PRRC1: variants seen among roughly 807,000 people sequenced by gnomAD.
The protein encoded by PRRC1 is proline rich coiled-coil 1.
In PRRC1, 39 loss-of-function variants were observed where a neutral mutation model predicts 40.7. The observed-to-expected ratio is 0.96, with a 90% CI of 0.74 to 1.25. PRRC1 has a LOEUF of 1.25. Among genes scored for constraint, PRRC1 ranks in the 50% most tolerant of loss-of-function variants. The pLI is 0.00. For synonymous variants in PRRC1, 175 were observed against 193.3 expected (o/e 0.91, Z 0.79); for missense variants, 573 against 548.3 (o/e 1.05, Z -0.45).
chr5:127,554,174 A>T lies in PRRC1; in HGVS notation c.*2258A>T, dbSNP rs1388704013. On this transcript the variant is annotated 3_prime_UTR_variant, in exon 9 of 9. Transcript: ENST00000296666. ...TAGTGGTGGTGTTTAGGCATAAGAT[A>T]TGCTGATCATCAGTCTCAGGCCACA... 1.5e-5 allele frequency: 4 copies of T among 262,694 alleles called. No homozygotes were observed. Among genetic ancestry groups the T allele is most frequent in the African/African-American group, 4.5e-5 (2 of 44,380 alleles). The allele number at this position is 262,694 out of a possible 1,614,324, so 16.3% of individuals were successfully genotyped here.
chr5:127,551,534 T>A lies in PRRC1; in HGVS notation c.1129-173T>A, dbSNP rs942075303. On this transcript the variant is annotated intron_variant, in intron 8 of 8. Transcript: ENST00000296666. ...AAAATAGATGTGTGTAATGTTACAT[T>A]GATTGTGTTCTAGCCTTGTAAGTTG... 4.6e-6 allele frequency: 3 copies of A among 648,522 alleles called. No individual in the cohort carries two copies. The African/African-American group carries it at 5.5e-5, about 12-fold the overall frequency. The allele number at this position is 648,522 out of a possible 1,614,324, so 40.2% of individuals were successfully genotyped here. A position where few individuals can be genotyped will look rare whatever the true frequency, so the allele number is the denominator to read the frequency against.
At chr5:127,545,413 T>C (rs1768189263) in intron 7 of PRRC1, among the ~76,000 whole-genome samples, 1 of 151,902 alleles carries the variant, frequency 6.6e-6, no homozygotes, top group Non-Finnish European at 1.5e-5. Context: ...ATAGACTGGA[T>C]TAAGAAAATG....
At chr5:127,538,775 G>A (rs13436184) in intron 6 of PRRC1, among the ~76,000 whole-genome samples, 3,913 of 152,054 alleles carry the variant, frequency 0.026, 166 homozygotes, top group African/African-American at 0.089. Flanking sequence ...ATGAGAAAAT[G>A]TAATATAAAA....
At chr5:127,533,907 T>C in intron 6 of PRRC1, 121 bp downstream of exon 6, 2 of 1,051,798 alleles carry the variant, frequency 1.9e-6, no homozygotes, top group South Asian at 2.7e-5. Context: ...ACAATGAACT[T>C]TGCTTTTAGT....
At chr5:127,526,140 A>G (rs1325636227) in intron 3 of PRRC1, among the ~76,000 whole-genome samples, 1 of 152,182 alleles carries the variant, frequency 6.6e-6, no homozygotes, top group Admixed American at 6.5e-5. Context: ...GCTTTTTATT[A>G]TCTATCTTTC....
intron 5 of PRRC1, among the ~76,000 whole-genome samples, chr5:127,533,203 A>G (rs1163431440): frequency 6.6e-6 from 1 of 152,146 alleles, no homozygotes; most frequent in Non-Finnish European, 1.5e-5. Flanking sequence ...TGATGACCCC[A>G]TATTTAAACT....
At chr5:127,536,973 T>G (rs975447923) in intron 6 of PRRC1, among the ~76,000 whole-genome samples, 9 of 151,904 alleles carry the variant, frequency 5.9e-5, no homozygotes, top group African/African-American at 2.2e-4. Flanking sequence ...CAGATTTTAT[T>G]TGAAGTAAAT....
chr5:127,552,439 C>A lies in PRRC1; in HGVS notation c.*523C>A. 2 of 987,114 alleles carry A rather than the reference C, an allele frequency of 2.0e-6. No homozygotes were observed. Among genetic ancestry groups the A allele is most frequent in the Non-Finnish European group, 2.4e-6 (2 of 830,768 alleles). The allele number at this position is 987,114 out of a possible 1,614,324, so 61.1% of individuals were successfully genotyped here. ...CACCTACTTGTCGGGAGATGTTCCA[C>A]ATTTCTGTGCATGTTTTCAGTAATA... is the stretch of plus-strand genomic sequence containing the variant. On this transcript the variant is annotated 3_prime_UTR_variant, in exon 9 of 9. Coordinates refer to ENST00000296666, the MANE Select transcript of PRRC1 (RefSeq NM_130809.5).
In PRRC1 at chr5:127,552,302, A is replaced by C; in HGVS notation, c.*386A>C. 1 of 1,031,038 alleles carries C rather than the reference A, an allele frequency of 9.7e-7. No homozygotes were observed. The highest frequency in any genetic ancestry group is 1.2e-6 in the Non-Finnish European group (1 of 856,548). 63.9% of individuals were successfully genotyped at this position (1,031,038 alleles called of 1,614,324 possible). A position where few individuals can be genotyped will look rare whatever the true frequency, so the allele number is the denominator to read the frequency against. ...GAACATGTTGGTTGAATGTTTATAA[A>C]AGCATGATTTGCTTTGGCTTCATCT... is the stretch of plus-strand genomic sequence containing the variant. On this transcript the variant is annotated 3_prime_UTR_variant, in exon 9 of 9. Coordinates refer to ENST00000296666, the MANE Select transcript of PRRC1 (RefSeq NM_130809.5).
Position 127,553,289 on chromosome 5 carries a change from A to AT in PRRC1, c.*1380dup, listed in dbSNP as rs569754280. The AT allele has an allele frequency of 3.1e-4, 301 of 986,588 alleles. No individual in the cohort carries two copies. The highest frequency in any genetic ancestry group is 2.9e-3 in the African/African-American group (164 of 57,314). The allele number at this position is 986,588 out of a possible 1,614,324, so 61.1% of individuals were successfully genotyped here. ...TTCAAGTCATTATTTGGTTTCTGCT[A>AT]TTTTTTTACCTGAGGATAAGAAGAA... On this transcript the variant is annotated 3_prime_UTR_variant, in exon 9 of 9. Coordinates refer to ENST00000296666, the MANE Select transcript of PRRC1 (RefSeq NM_130809.5).
Position 127,552,651 on chromosome 5 carries a change from G to A in PRRC1, c.*735G>A, listed in dbSNP as rs1007185804. 1.0e-6 allele frequency: 1 copy of A among 975,718 alleles called. No homozygotes were observed. Among genetic ancestry groups the A allele is most frequent in the Admixed American group, 6.1e-5 (1 of 16,262 alleles). 60.4% of individuals were successfully genotyped at this position (975,718 alleles called of 1,614,324 possible). The stretch of plus-strand genomic sequence containing the variant: ...GACAGCTAAGGGGCAAATGATTCAA[G>A]TATATTTTAAATCAGAAGTATTCAA... On this transcript the variant is annotated 3_prime_UTR_variant, in exon 9 of 9. Transcript: ENST00000296666.
intron 6 of PRRC1, among the ~76,000 whole-genome samples, chr5:127,538,078 A>G (rs1767943357): frequency 6.6e-6 from 1 of 151,982 alleles, no homozygotes; most frequent in Non-Finnish European, 1.5e-5. Flanking sequence ...GCAAAAATAT[A>G]CAATCTTGGT....
At position 127,554,079 on chromosome 5, in the gene PRRC1, C is replaced by G. The variant is rs923759419; in HGVS notation, c.*2163C>G. On this transcript the variant is annotated 3_prime_UTR_variant, in exon 9 of 9. Coordinates refer to ENST00000296666, the MANE Select transcript of PRRC1 (RefSeq NM_130809.5). ...TTTATTTTGTTGTCCTTAGATTTCC[C>G]TGTTGTAAAAGGGGCAAGAAAAGTA... The G allele has an allele frequency of 4.3e-5, 26 of 610,390 alleles. No individual in the cohort carries two copies. The highest frequency in any genetic ancestry group is 3.4e-4 in the Admixed American group (10 of 29,088). 37.8% of individuals were successfully genotyped at this position (610,390 alleles called of 1,614,324 possible). A position where few individuals can be genotyped will look rare whatever the true frequency, so the allele number is the denominator to read the frequency against.
At chr5:127,542,356 T>C (rs1229886925) in intron 7 of PRRC1, among the ~76,000 whole-genome samples, 1 of 151,984 alleles carries the variant, frequency 6.6e-6, no homozygotes, top group Non-Finnish European at 1.5e-5. Flanking sequence ...TTCTGTTGAT[T>C]TGGGGTGGAG....
intron 8 of PRRC1, chr5:127,548,456 C>CTTTTT (rs33977862): frequency 5.1e-5 from 7 of 137,624 alleles, no homozygotes; most frequent in Admixed American, 7.3e-5. Flanking sequence ...CCTTATTCCT[C>CTTTTT]TTTTTTTTTT....
Position 127,524,864 on chromosome 5 carries a change from C to T in PRRC1, c.437C>T (p.Ala146Val). Residue 146 changes from alanine to valine, a missense_variant, in exon 3 of 9, where the codon GCT becomes GTT. Ala to Val is a moderately conservative substitution (Grantham distance 64). Transcript: ENST00000296666. Reference sequence around the variant, plus strand: ...ACTTATGACATTACAAGGGGACATGCTGGGAGAGCTCCCCAGACACCCCTG... The same window carrying T: ...ACTTATGACATTACAAGGGGACATGTTGGGAGAGCTCCCCAGACACCCCTG... The part of the protein sequence containing the change: ...GSTYDITRGH[A>V]GRAPQTPLMP... The T allele has an allele frequency of 6.2e-7, 1 of 1,614,052 alleles. No individual in the cohort carries two copies. Among genetic ancestry groups the T allele is most frequent in the Non-Finnish European group, 8.5e-7 (1 of 1,179,926 alleles).
intron 2 of PRRC1, chr5:127,524,143 G>C (rs1187230762): frequency 6.1e-6 from 1 of 164,802 alleles, no homozygotes; most frequent in Non-Finnish European, 1.3e-5. Flanking sequence ...CAAAGTCCTG[G>C]GATTACAGGT....
At chr5:127,542,203 C>A (rs1412749784) in intron 7 of PRRC1, among the ~76,000 whole-genome samples, 1 of 152,082 alleles carries the variant, frequency 6.6e-6, no homozygotes, top group African/African-American at 2.4e-5. Flanking sequence ...TTTCTTAATC[C>A]TGAGTTCTAG....
In PRRC1 at chr5:127,540,435, TC is replaced by T. The variant is rs779523807; in HGVS notation, c.1025+1293del. Among the ~76,000 whole-genome samples the T allele has an allele frequency of 7.9e-4, 121 of 152,268 alleles. 2 individuals are homozygous for T. Among genetic ancestry groups the T allele is most frequent in the South Asian group, 3.3e-3 (16 of 4,828 alleles). On this transcript the variant is annotated intron_variant, in intron 7 of 8. Transcript: ENST00000296666. ...GCTCTTAAGACATAACTGGTAATGT[TC>T]TTTGCAGTCAGTATTTGTTTATTCT...
Sources: gnomAD v4.1 joint callset for allele counts (sites outside exome capture counted in the v4.1 genomes callset) on GRCh38, gnomAD v4.1.1 for gene constraint, MANE v1.5 for transcripts, NCBI Gene and HGNC (gene_info 2026-07-23, HGNC 2026-07-21) for gene names.